Variants in UGT1A10 observed in about 807,000 individuals in gnomAD.
The protein encoded by UGT1A10 is UDP glucuronosyltransferase family 1 member A10, also known as UDP-glucuronosyltransferase 1A10.
UGT1A10 carries 49 observed loss-of-function variants against 45.8 expected under a neutral mutation model. The ratio of observed to expected loss-of-function variants is 1.07; its 90% CI spans 0.85 to 1.36. The LOEUF is 1.36. Ranked by LOEUF, UGT1A10 falls within the 40% of genes most tolerant of loss-of-function variation. The pLI is 0.00. For synonymous variants in UGT1A10, 284 were observed against 249.7 expected (o/e 1.14, Z -1.29); for missense variants, 745 against 668.6 (o/e 1.11, Z -1.26).
At chr2:233,760,894 C>T (rs1697601712) in intron 1 of UGT1A10, 6 of 1,614,174 alleles carry the variant, frequency 3.7e-6, no homozygotes, top group Non-Finnish European at 5.1e-6. Flanking sequence ...TCATTCAGAT[C>T]ACATGACCTT....
intron 1 of UGT1A10, among the ~76,000 whole-genome samples, chr2:233,656,885 C>T (rs2741040): frequency 1.3e-5 from 2 of 151,872 alleles, no homozygotes; most frequent in East Asian, 1.9e-4. Flanking sequence ...CAGATAAACA[C>T]GCACATGCTT....
chr2:233,760,908 G>A lies in UGT1A10; in HGVS notation c.856-6126G>A, dbSNP rs1697607352. On this transcript the variant is annotated intron_variant, in intron 1 of 4. Coordinates refer to ENST00000344644, the MANE Select transcript of UGT1A10 (RefSeq NM_019075.4). ...CTCATTCAGATCACATGACCTTCCT[G>A]CAGCGGGTGAAGAACATGCTCATTG... 7 of 1,614,034 alleles carry A rather than the reference G, an allele frequency of 4.3e-6. No individual in the cohort carries two copies. The Middle Eastern group carries it at 6.6e-4, about 152-fold the overall frequency.
In UGT1A10 at chr2:233,754,812, C is replaced by A. The variant is rs570173329; in HGVS notation, c.856-12222C>A. 401 of 1,317,492 alleles carry A rather than the reference C, an allele frequency of 3.0e-4. 1 individual carries two copies. Among genetic ancestry groups the A allele is most frequent in the Non-Finnish European group, 3.4e-4 (334 of 983,548 alleles). 81.6% of individuals were successfully genotyped at this position (1,317,492 alleles called of 1,614,324 possible). On this transcript the variant is annotated intron_variant, in intron 1 of 4. Transcript: ENST00000344644. ...AAATCCTGTATCAAAAGAAGAAAAA[C>A]CACCCTCAAAAGCTGGAAATTCACT...
chr2:233,730,006 G>A (rs1262951640), intron 1 of UGT1A10: 11 of 1,613,746 alleles, frequency 6.8e-6, no homozygotes, highest in Non-Finnish European at 9.3e-6. Context: ...CTGTATTGGT[G>A]CCTTCATCCA....
chr2:233,693,783 T>C (rs1575450823), intron 1 of UGT1A10: 1 of 1,614,230 alleles, frequency 6.2e-7, no homozygotes, highest in Admixed American at 1.7e-5. Context: ...TATGACTTTG[T>C]GCTTGAATAT....
Position 233,772,617 on chromosome 2 carries a change from GA to G in UGT1A10, c.*62del. 1 of 1,572,898 alleles carries G rather than the reference GA, an allele frequency of 6.4e-7. No homozygotes were observed. Among genetic ancestry groups the G allele is most frequent in the Non-Finnish European group, 8.6e-7 (1 of 1,158,346 alleles). On this transcript the variant is annotated 3_prime_UTR_variant, in exon 5 of 5. Coordinates refer to ENST00000344644, the MANE Select transcript of UGT1A10 (RefSeq NM_019075.4). The stretch of plus-strand genomic sequence containing the variant: ...CCATTCCCTAGTCATTTCCAAACTT[GA>G]AAACAGAATCAGTGTTAAATTCATT...
chr2:233,724,165 C>CA (rs1189702988), intron 1 of UGT1A10, among the ~76,000 whole-genome samples: 1 of 112,674 alleles, frequency 8.9e-6, no homozygotes. Flanking sequence ...GGGGGGCTGA[C>CA]CCCCCCATCT....
intron 1 of UGT1A10, among the ~76,000 whole-genome samples, chr2:233,656,162 C>T (rs931463574): frequency 2.6e-5 from 4 of 152,150 alleles, no homozygotes; most frequent in Admixed American, 6.5e-5. Flanking sequence ...CTGACTCATG[C>T]GTATTGAACA....
intron 1 of UGT1A10, among the ~76,000 whole-genome samples, chr2:233,703,747 C>A (rs2075751408): frequency 6.6e-6 from 1 of 151,954 alleles, no homozygotes. Context: ...TTTTAAATCT[C>A]AAATGTATCT....
chr2:233,768,488 A>T, intron 4 of UGT1A10, 49 bp downstream of exon 4: 1 of 1,577,512 alleles, frequency 6.3e-7, no homozygotes, highest in East Asian at 2.3e-5. Flanking sequence ...ATTCATGATA[A>T]AATTGTTTCA....
intron 1 of UGT1A10, among the ~76,000 whole-genome samples, chr2:233,763,856 G>A (rs1698413440): frequency 6.6e-6 from 1 of 152,158 alleles, no homozygotes; most frequent in Non-Finnish European, 1.5e-5. Context: ...GTGGTTCACA[G>A]ACAATCGCAA....
chr2:233,646,800 G>A (rs1207759233), intron 1 of UGT1A10, among the ~76,000 whole-genome samples: 1 of 152,078 alleles, frequency 6.6e-6, no homozygotes, highest in Non-Finnish European at 1.5e-5. Flanking sequence ...CTTCTTCTGA[G>A]CCCTCCAAAC....
intron 1 of UGT1A10, among the ~76,000 whole-genome samples, chr2:233,709,500 C>T (rs558289619): frequency 6.6e-6 from 1 of 152,232 alleles, no homozygotes; most frequent in Non-Finnish European, 1.5e-5. Context: ...AAGTCTCTGC[C>T]TCTTGCTCTC....
intron 1 of UGT1A10, chr2:233,743,940 C>T: frequency 7.4e-7 from 1 of 1,353,480 alleles, no homozygotes; most frequent in Non-Finnish European, 9.9e-7. Context: ...AACGGCCCAC[C>T]AGGCACTGGC....
chr2:233,679,168 C>T lies in UGT1A10; in HGVS notation c.855+41791C>T, dbSNP rs141230614. The stretch of plus-strand genomic sequence containing the variant: ...ATTAGAGATGTTGGGTTTGGAAGCA[C>T]GTAGACCATTTTGACACCTTCAGTG... On this transcript the variant is annotated intron_variant, in intron 1 of 4. Coordinates refer to ENST00000344644, the MANE Select transcript of UGT1A10 (RefSeq NM_019075.4). Among the ~76,000 whole-genome samples, 410 of 152,232 alleles carry T rather than the reference C, an allele frequency of 2.7e-3. 1 individual carries two copies. Among genetic ancestry groups the T allele is most frequent in the Middle Eastern group, 6.8e-3 (2 of 294 alleles).
chr2:233,647,921 A>T lies in UGT1A10; in HGVS notation c.855+10544A>T, dbSNP rs2073643632. On this transcript the variant is annotated intron_variant, in intron 1 of 4. Coordinates refer to ENST00000344644, the MANE Select transcript of UGT1A10 (RefSeq NM_019075.4). Reference sequence around the variant, plus strand: ...AGTTAGCCTCCAGGGAAGGTAGATCACTCACTGCCCATGGATGGGAGCCAC... The same window carrying T: ...AGTTAGCCTCCAGGGAAGGTAGATCTCTCACTGCCCATGGATGGGAGCCAC... The T allele has an allele frequency of 3.8e-6, 6 of 1,599,032 alleles. No homozygotes were observed. In the Admixed American group the frequency reaches 1.0e-4, roughly 27 times the overall value.
At chr2:233,679,551 T>G (rs139988189) in intron 1 of UGT1A10, among the ~76,000 whole-genome samples, 108 of 152,272 alleles carry the variant, frequency 7.1e-4, no homozygotes, top group Non-Finnish European at 9.7e-4. Flanking sequence ...TCATCTTTTT[T>G]TTTGTTTGTT....
chr2:233,709,219 T>G (rs2076065837), intron 1 of UGT1A10, among the ~76,000 whole-genome samples: 1 of 151,980 alleles, frequency 6.6e-6, no homozygotes, highest in African/African-American at 2.4e-5. Context: ...CATTTGAGAG[T>G]TTGGGGGAGG....
Position 233,725,255 on chromosome 2 carries a change from A to AGAGGCAGAG in UGT1A10, c.856-41768_856-41760dup, listed in dbSNP as rs1488139555. 3.1e-5 allele frequency among the ~76,000 whole-genome samples: 2 copies of AGAGGCAGAG among 63,970 alleles called. 1 individual carries two copies. The highest frequency in any genetic ancestry group is 5.4e-5 in the Non-Finnish European group (2 of 36,928). The allele number at this position is 63,970 out of a possible 152,430, so 42.0% of individuals were successfully genotyped here. A position where few individuals can be genotyped will look rare whatever the true frequency, so the allele number is the denominator to read the frequency against. ...CAGAGGAGGCAGAGGCAGAGGAGGC[A>AGAGGCAGAG]GAGGCAGAGGAGGCAGAGGCAGAGG... is the stretch of plus-strand genomic sequence containing the variant. On this transcript the variant is annotated intron_variant, in intron 1 of 4. Coordinates refer to ENST00000344644, the MANE Select transcript of UGT1A10 (RefSeq NM_019075.4).
Sources: gnomAD v4.1 joint callset for allele counts (sites outside exome capture counted in the v4.1 genomes callset) on GRCh38, gnomAD v4.1.1 for gene constraint, MANE v1.5 for transcripts, NCBI Gene and HGNC (gene_info 2026-07-23, HGNC 2026-07-21) for gene names.